SPHKAP: variants seen among roughly 807,000 people sequenced by gnomAD.
SPHKAP encodes the protein A-kinase anchor protein SPHKAP.
A neutral mutation model predicts 137.5 loss-of-function variants in SPHKAP; 67 were observed. The ratio of observed to expected loss-of-function variants is 0.49; its 90% CI spans 0.40 to 0.60. The LOEUF (loss-of-function observed/expected upper bound fraction) is 0.60. Ranked by LOEUF, SPHKAP falls within the 20% of genes least tolerant of loss-of-function variation. The probability of loss-of-function intolerance (pLI) is 0.00; values close to 1 mark genes in which losing one functional copy is unlikely to be tolerated. For missense variants in SPHKAP, 2,097 were observed against 2,069.3 expected (o/e 1.01, Z -0.26); for synonymous variants, 813 against 785.3 (o/e 1.04, Z -0.59).
intron 3 of SPHKAP, among the ~76,000 whole-genome samples, chr2:228,050,196 G>A (rs549721193): frequency 5.3e-5 from 8 of 152,296 alleles, no homozygotes; most frequent in African/African-American, 1.9e-4. Flanking sequence ...AATAGCAGAT[G>A]TCAGGGCTTG....
intron 1 of SPHKAP, among the ~76,000 whole-genome samples, chr2:228,171,888 G>A (rs537429639): frequency 7.2e-5 from 11 of 152,220 alleles, no homozygotes; most frequent in Admixed American, 5.2e-4. Context: ...CAAAATCAGT[G>A]TTTTGTCAAC....
At chr2:228,039,555 G>A (rs1695762238) in intron 3 of SPHKAP, among the ~76,000 whole-genome samples, 2 of 151,926 alleles carry the variant, frequency 1.3e-5, no homozygotes, top group Admixed American at 6.6e-5. Context: ...AAATTTTGTT[G>A]TGAAATTTTA....
intron 7 of SPHKAP, among the ~76,000 whole-genome samples, chr2:227,998,650 TC>T (rs1487937262): frequency 6.6e-6 from 1 of 152,100 alleles, no homozygotes; most frequent in Non-Finnish European, 1.5e-5. Flanking sequence ...TTAGACCCTT[TC>T]CCGGTGAGGA....
Position 228,104,368 on chromosome 2 carries a change from A to G in SPHKAP, c.246+4464T>C, listed in dbSNP as rs371356005. ...AATAATATTAAATAATAATATAAAT[A>G]TCATTATATTATATTATTATATAAT... On this transcript the variant is annotated intron_variant, in intron 3 of 11. Transcript: ENST00000392056. Among the ~76,000 whole-genome samples the G allele has an allele frequency of 1.7e-4, 25 of 145,450 alleles. No homozygotes were observed. In the East Asian group the frequency reaches 2.0e-3, roughly 11 times the overall value.
intron 3 of SPHKAP, among the ~76,000 whole-genome samples, chr2:228,106,521 A>T (rs965107243): frequency 1.3e-5 from 2 of 152,216 alleles, no homozygotes; most frequent in Non-Finnish European, 2.9e-5. Flanking sequence ...CTTAAAATTA[A>T]ACTTTAATGA....
chr2:228,167,213 C>T (rs963943196), intron 1 of SPHKAP, among the ~76,000 whole-genome samples: 3 of 152,170 alleles, frequency 2.0e-5, no homozygotes, highest in Non-Finnish European at 2.9e-5. Context: ...TAGTGAATCT[C>T]TTTCTTGGAT....
At chr2:228,077,252 C>T (rs983421579) in intron 3 of SPHKAP, among the ~76,000 whole-genome samples, 9 of 152,186 alleles carry the variant, frequency 5.9e-5, no homozygotes, top group African/African-American at 1.7e-4. Context: ...CCCACAGAGT[C>T]CCTACTGGGG....
At chr2:228,030,192 T>G (rs6436748) in intron 3 of SPHKAP, among the ~76,000 whole-genome samples, 58,033 of 151,898 alleles carry the variant, frequency 0.38, 11,537 homozygotes, top group South Asian at 0.51. Flanking sequence ...AGGCCTGATG[T>G]GCATGCAATG....
At chr2:228,024,361 T>TTTTAA (rs1553614222) in intron 5 of SPHKAP, among the ~76,000 whole-genome samples, 1 of 145,118 alleles carries the variant, frequency 6.9e-6, no homozygotes, top group African/African-American at 2.5e-5. Context: ...TTTTTTTTTT[T>TTTTAA]AAATCTGTGA....
intron 3 of SPHKAP, among the ~76,000 whole-genome samples, chr2:228,034,211 C>T (rs6744512): frequency 0.38 from 57,952 of 151,868 alleles, 11,486 homozygotes; most frequent in South Asian, 0.51. Flanking sequence ...ACCACTGATC[C>T]CACAGAAATA....
At chr2:228,098,144 A>ATGT (rs147852861) in intron 3 of SPHKAP, among the ~76,000 whole-genome samples, 15 of 148,476 alleles carry the variant, frequency 1.0e-4, no homozygotes, top group East Asian at 9.8e-4. Context: ...TTGCCAACAT[A>ATGT]TTTTTTTTTT....
At chr2:228,047,208 G>A (rs1320637213) in intron 3 of SPHKAP, among the ~76,000 whole-genome samples, 2 of 152,204 alleles carry the variant, frequency 1.3e-5, no homozygotes, top group African/African-American at 4.8e-5. Context: ...GCTAATGCCT[G>A]TAATTTCAGC....
chr2:228,128,396 T>A (rs1232206040), intron 2 of SPHKAP, among the ~76,000 whole-genome samples: 1 of 152,214 alleles, frequency 6.6e-6, no homozygotes, highest in Admixed American at 6.5e-5. Flanking sequence ...AGCAATTCAG[T>A]CATTCTTCAG....
chr2:227,996,360 C>T (rs1448903550), intron 7 of SPHKAP, among the ~76,000 whole-genome samples: 1 of 152,174 alleles, frequency 6.6e-6, no homozygotes, highest in African/African-American at 2.4e-5. Context: ...GCATTTAACC[C>T]TTGATCTGAC....
At chr2:227,997,769 C>G (rs1196651477) in intron 7 of SPHKAP, among the ~76,000 whole-genome samples, 1 of 152,160 alleles carries the variant, frequency 6.6e-6, no homozygotes, top group African/African-American at 2.4e-5. Context: ...GAGTCACATT[C>G]TAGTACATAT....
At chr2:228,087,126 G>A (rs1198029346) in intron 3 of SPHKAP, among the ~76,000 whole-genome samples, 1 of 152,172 alleles carries the variant, frequency 6.6e-6, no homozygotes, top group Non-Finnish European at 1.5e-5. Context: ...GACAGTCAAA[G>A]AGACCCATGC....
At chr2:228,112,702 T>C (rs1474374062) in intron 2 of SPHKAP, among the ~76,000 whole-genome samples, 1 of 152,218 alleles carries the variant, frequency 6.6e-6, no homozygotes, top group East Asian at 1.9e-4. Context: ...TGGCTACCTG[T>C]GGGATTTCAC....
intron 11 of SPHKAP, among the ~76,000 whole-genome samples, chr2:227,987,336 G>A (rs558877146): frequency 2.0e-5 from 3 of 152,174 alleles, no homozygotes; most frequent in South Asian, 2.1e-4. Context: ...AGTCCCCATC[G>A]TATCTCAAGG....
At chr2:228,100,978 G>T (rs1698167966) in intron 3 of SPHKAP, among the ~76,000 whole-genome samples, 1 of 152,082 alleles carries the variant, frequency 6.6e-6, no homozygotes. Context: ...TTATAAGAGT[G>T]GCCCAGAGCT....
Sources: gnomAD v4.1 joint callset for allele counts (sites outside exome capture counted in the v4.1 genomes callset) on GRCh38, gnomAD v4.1.1 for gene constraint, MANE v1.5 for transcripts, NCBI Gene and HGNC (gene_info 2026-07-23, HGNC 2026-07-21) for gene names.